TP63: variants seen among roughly 807,000 people sequenced by gnomAD.
TP63 encodes tumor protein 63.
Under a neutral mutation model 82.8 loss-of-function variants are expected in TP63, and 17 were observed. That is an observed-to-expected ratio of 0.21 (90% CI 0.14 to 0.31). The LOEUF (loss-of-function observed/expected upper bound fraction) is 0.31. Among genes scored for constraint, TP63 ranks in the 10% least tolerant of loss-of-function variants. The pLI is 1.00. For synonymous variants in TP63, 330 were observed against 321.7 expected, an observed-to-expected ratio of 1.03 and a Z score of -0.28; for missense variants, 648 against 895.3, an observed-to-expected ratio of 0.72 and a Z score of 3.52.
intron 1 of TP63, among the ~76,000 whole-genome samples, chr3:189,728,064 T>G (rs555771806): frequency 6.6e-6 from 1 of 152,138 alleles, no homozygotes; most frequent in Non-Finnish European, 1.5e-5. Flanking sequence ...GACTGTACAC[T>G]TTATGTCTGA....
intron 3 of TP63, among the ~76,000 whole-genome samples, chr3:189,788,764 T>C (rs1255570387): frequency 6.6e-6 from 1 of 152,066 alleles, no homozygotes; most frequent in African/African-American, 2.4e-5. Flanking sequence ...AATGTATTTT[T>C]AAAACAAAAG....
chr3:189,689,359 G>A (rs978983756), intron 1 of TP63, among the ~76,000 whole-genome samples: 1 of 151,740 alleles, frequency 6.6e-6, no homozygotes, highest in Non-Finnish European at 1.5e-5. Context: ...CTGGTGATCT[G>A]CCTACCTTGG....
At chr3:189,867,141 T>C (rs146204903) in intron 6 of TP63, among the ~76,000 whole-genome samples, 1,662 of 152,244 alleles carry the variant, frequency 0.011, 36 homozygotes, top group African/African-American at 0.038. Context: ...TGGATGCAAG[T>C]GTTACCATAA....
intron 4 of TP63, among the ~76,000 whole-genome samples, chr3:189,857,225 T>C (rs1391873170): frequency 6.6e-6 from 1 of 152,078 alleles, no homozygotes; most frequent in Non-Finnish European, 1.5e-5. Flanking sequence ...CATGAACACA[T>C]ATGACCAATT....
chr3:189,698,833 A>G (rs1172745308), intron 1 of TP63, among the ~76,000 whole-genome samples: 2 of 152,174 alleles, frequency 1.3e-5, no homozygotes, highest in African/African-American at 4.8e-5. Flanking sequence ...TATTTGAAAA[A>G]TTGATATTGC....
intron 12 of TP63, 53 bp from the exon 13 acceptor site, chr3:189,890,736 G>C (rs1414943022): frequency 6.5e-7 from 1 of 1,546,300 alleles, no homozygotes; most frequent in Non-Finnish European, 8.9e-7. Flanking sequence ...AATGCAGTTG[G>C]GGTGAACTTT....
intron 4 of TP63, among the ~76,000 whole-genome samples, chr3:189,850,377 G>A (rs1173332192): frequency 6.6e-6 from 1 of 151,962 alleles, no homozygotes; most frequent in Non-Finnish European, 1.5e-5. Context: ...AAGACAAAAT[G>A]TTAACATTTT....
At chr3:189,734,238 C>A (rs1412694556) in intron 1 of TP63, among the ~76,000 whole-genome samples, 1 of 137,602 alleles carries the variant, frequency 7.3e-6, no homozygotes, top group African/African-American at 2.7e-5. Context: ...GTGGCTCAAT[C>A]TTGGCACACT....
intron 12 of TP63, 25 bp downstream of exon 12, chr3:189,889,509 G>T: frequency 6.2e-7 from 1 of 1,614,178 alleles, no homozygotes; most frequent in Non-Finnish European, 8.5e-7. Flanking sequence ...TGTGCCCCTG[G>T]GGGCCTGCCC....
intron 3 of TP63, among the ~76,000 whole-genome samples, chr3:189,790,801 C>T (rs1223782432): frequency 6.6e-6 from 1 of 152,024 alleles, no homozygotes; most frequent in East Asian, 1.9e-4. Flanking sequence ...GACTAGAGTA[C>T]TCAAATTGAG....
At chr3:189,862,973 G>A (rs922757679) in intron 4 of TP63, among the ~76,000 whole-genome samples, 1 of 152,192 alleles carries the variant, frequency 6.6e-6, no homozygotes, top group African/African-American at 2.4e-5. Context: ...TGGAAGAAAA[G>A]GAAAGGTCAT....
At chr3:189,768,442 T>C (rs1224594738) in intron 3 of TP63, among the ~76,000 whole-genome samples, 1 of 152,256 alleles carries the variant, frequency 6.6e-6, no homozygotes, top group Admixed American at 6.5e-5. Context: ...TTTTAAAATA[T>C]CTCGAATCAC....
intron 1 of TP63, among the ~76,000 whole-genome samples, chr3:189,727,587 T>A (rs34753558): frequency 0.078 from 11,810 of 152,278 alleles, 564 homozygotes; most frequent in South Asian, 0.14. Context: ...ATATTTTCTT[T>A]TCTTTTTTGT....
intron 4 of TP63, among the ~76,000 whole-genome samples, chr3:189,815,134 G>A (rs1044370279): frequency 6.7e-5 from 10 of 149,214 alleles, no homozygotes; most frequent in Admixed American, 3.3e-4. Flanking sequence ...TGTTATTATT[G>A]TTAGTTAATT....
intron 1 of TP63, among the ~76,000 whole-genome samples, chr3:189,720,757 A>T (rs1463337521): frequency 1.4e-5 from 2 of 147,392 alleles, no homozygotes. Context: ...AAAAAAAAAA[A>T]GAAGAAGACT....
rs1163657516 is a variant in TP63, at chr3:189,793,043, G to A, written c.325-15229G>A. 1.2e-4 allele frequency among the ~76,000 whole-genome samples: 18 copies of A among 152,000 alleles called. No individual in the cohort carries two copies. The East Asian group carries it at 3.5e-3, about 29-fold the overall frequency. ...TAGCATCATAGGAAAAAGCACAGTG[G>A]GTGAGAAGCAGAAGCTGCATTTTTA... On this transcript the variant is annotated intron_variant, in intron 3 of 13. Coordinates refer to ENST00000264731, the MANE Select transcript of TP63 (RefSeq NM_003722.5).
intron 4 of TP63, among the ~76,000 whole-genome samples, chr3:189,848,675 G>T (rs1001266068): frequency 2.0e-5 from 3 of 152,164 alleles, no homozygotes; most frequent in African/African-American, 7.2e-5. Context: ...ATATAATATT[G>T]TAGTAAAAGC....
At chr3:189,633,549 A>G (rs1489213843) in intron 1 of TP63, among the ~76,000 whole-genome samples, 1 of 152,112 alleles carries the variant, frequency 6.6e-6, no homozygotes, top group African/African-American at 2.4e-5. Context: ...AGTCCCTGCA[A>G]AGGACATGAT....
At chr3:189,857,011 A>G (rs1716377383) in intron 4 of TP63, among the ~76,000 whole-genome samples, 1 of 152,120 alleles carries the variant, frequency 6.6e-6, no homozygotes, top group African/African-American at 2.4e-5. Context: ...ATTTTTATGG[A>G]AATTGTAAAC....
Sources: gnomAD v4.1 joint callset for allele counts (sites outside exome capture counted in the v4.1 genomes callset) on GRCh38, gnomAD v4.1.1 for gene constraint, MANE v1.5 for transcripts, NCBI Gene and HGNC (gene_info 2026-07-23, HGNC 2026-07-21) for gene names.